Variants in PDE4D observed in about 807,000 individuals in gnomAD.
The protein encoded by PDE4D is 3',5'-cyclic-AMP phosphodiesterase 4D.
Under a neutral mutation model 87.4 loss-of-function variants are expected in PDE4D, and 24 were observed. The ratio of observed to expected loss-of-function variants is 0.27; its 90% CI spans 0.20 to 0.39. The LOEUF is 0.39. Among genes scored for constraint, PDE4D ranks in the 10% least tolerant of loss-of-function variants. The pLI, the probability that PDE4D is intolerant of heterozygous loss-of-function variation, is 1.00. For synonymous variants in PDE4D, 384 were observed against 383.2 expected, an observed-to-expected ratio of 1.00 and a Z score of -0.02; for missense variants, 714 against 1,041.0, an observed-to-expected ratio of 0.69 and a Z score of 4.32.
At chr5:59,876,143 T>C (rs1391685293) in intron 1 of PDE4D, among the ~76,000 whole-genome samples, 2 of 152,222 alleles carry the variant, frequency 1.3e-5, no homozygotes. Flanking sequence ...ATATATATTC[T>C]ATAACTTTTC....
chr5:59,186,652 TG>T (rs1211361768), intron 3 of PDE4D, among the ~76,000 whole-genome samples: 1 of 152,210 alleles, frequency 6.6e-6, no homozygotes, highest in East Asian at 1.9e-4. Context: ...CATTCATTTG[TG>T]TAAGTCAATG....
At chr5:59,375,249 GTTC>G (rs1406900090) in intron 1 of PDE4D, among the ~76,000 whole-genome samples, 4 of 152,010 alleles carry the variant, frequency 2.6e-5, no homozygotes, top group Non-Finnish European at 5.9e-5. Context: ...TCCAGGAGTT[GTTC>G]TTTTTTTGAA....
intron 2 of PDE4D, among the ~76,000 whole-genome samples, chr5:60,073,389 T>G (rs757947395): frequency 6.6e-6 from 1 of 152,118 alleles, no homozygotes; most frequent in Non-Finnish European, 1.5e-5. Context: ...AGTTTTTCGA[T>G]GTGCTCCTAG....
chr5:59,120,269 G>A (rs1015733154), intron 5 of PDE4D, among the ~76,000 whole-genome samples: 12 of 152,096 alleles, frequency 7.9e-5, no homozygotes, highest in Non-Finnish European at 1.8e-4. Context: ...ACAAGCTGAA[G>A]GTTACTTTAA....
intron 2 of PDE4D, among the ~76,000 whole-genome samples, chr5:59,194,079 G>A (rs770895539): frequency 2.0e-5 from 3 of 152,206 alleles, no homozygotes; most frequent in Non-Finnish European, 4.4e-5. Flanking sequence ...CCCAGCCACT[G>A]TAGTCACTGG....
intron 1 of PDE4D, among the ~76,000 whole-genome samples, chr5:59,606,883 G>A (rs1255244382): frequency 6.6e-6 from 1 of 151,446 alleles, no homozygotes; most frequent in East Asian, 1.9e-4. Context: ...TTATTTCATT[G>A]TTTATTTTCC....
chr5:60,440,077 C>G (rs896752345), intron 1 of PDE4D, among the ~76,000 whole-genome samples: 1 of 152,042 alleles, frequency 6.6e-6, no homozygotes, highest in Admixed American at 6.6e-5. Flanking sequence ...TCTAAATGTG[C>G]CAAGCTCTTT....
intron 1 of PDE4D, among the ~76,000 whole-genome samples, chr5:59,849,548 T>A (rs2152716324): frequency 1.3e-5 from 2 of 152,078 alleles, no homozygotes; most frequent in Non-Finnish European, 2.9e-5. Flanking sequence ...TTTATATGTT[T>A]TATTGACTTG....
At chr5:59,000,103 A>G (rs1210156569) in intron 6 of PDE4D, among the ~76,000 whole-genome samples, 1 of 152,212 alleles carries the variant, frequency 6.6e-6, no homozygotes, top group Non-Finnish European at 1.5e-5. Context: ...CTCACCCGAC[A>G]AACGCCATTG....
intron 1 of PDE4D, among the ~76,000 whole-genome samples, chr5:59,222,538 G>A (rs773758137): frequency 3.3e-5 from 5 of 152,100 alleles, no homozygotes; most frequent in East Asian, 1.9e-4. Context: ...CTCCATTACC[G>A]AAGCATCTAT....
At chr5:59,311,933 C>T (rs949944632) in intron 1 of PDE4D, among the ~76,000 whole-genome samples, 1 of 152,116 alleles carries the variant, frequency 6.6e-6, no homozygotes, top group Non-Finnish European at 1.5e-5. Context: ...GACTCCTCTG[C>T]TGATTCCTCT....
chr5:59,163,188 C>T (rs576324132), intron 5 of PDE4D, among the ~76,000 whole-genome samples: 27 of 151,658 alleles, frequency 1.8e-4, no homozygotes, highest in Non-Finnish European at 3.2e-4. Context: ...TCAATCGATC[C>T]GCCTGCCTCG....
chr5:59,159,392 C>G (rs1222724285), intron 5 of PDE4D, among the ~76,000 whole-genome samples: 1 of 152,144 alleles, frequency 6.6e-6, no homozygotes, highest in African/African-American at 2.4e-5. Context: ...CTCAGCCTCC[C>G]AAAGTGCTGC....
chr5:59,738,936 TA>T (rs547209030), intron 1 of PDE4D, among the ~76,000 whole-genome samples: 54 of 151,704 alleles, frequency 3.6e-4, no homozygotes, highest in African/African-American at 1.3e-3. Context: ...AAACAAAGTT[TA>T]AAAAAAACTA....
intron 1 of PDE4D, among the ~76,000 whole-genome samples, chr5:59,506,686 T>A (rs1809330002): frequency 6.6e-6 from 1 of 151,886 alleles, no homozygotes; most frequent in Admixed American, 6.6e-5. Context: ...GAAAAAAAAA[T>A]TAATGCACAG....
At chr5:59,740,148 CTATAAATCATTTAGTACCT>C (rs1405351124) in intron 1 of PDE4D, among the ~76,000 whole-genome samples, 1 of 152,144 alleles carries the variant, frequency 6.6e-6, no homozygotes, top group Admixed American at 6.5e-5. Context: ...ATAAATTCAT[CTATAAATCATTTAGTACCT>C]TAATGTCTGT....
chr5:60,064,081 A>G (rs999807134), intron 2 of PDE4D, among the ~76,000 whole-genome samples: 1 of 151,958 alleles, frequency 6.6e-6, no homozygotes, highest in African/African-American at 2.4e-5. Flanking sequence ...ATTTTAAGTA[A>G]TTTTTTCTCT....
intron 1 of PDE4D, among the ~76,000 whole-genome samples, chr5:60,477,891 A>G (rs1215690427): frequency 6.6e-6 from 1 of 152,208 alleles, no homozygotes; most frequent in Non-Finnish European, 1.5e-5. Context: ...CTCCTAATGC[A>G]TGAGTAAGGC....
intron 1 of PDE4D, among the ~76,000 whole-genome samples, chr5:60,412,923 G>A (rs1742162499): frequency 6.6e-6 from 1 of 152,120 alleles, no homozygotes; most frequent in Non-Finnish European, 1.5e-5. Context: ...GGCTAGGCTA[G>A]AGGTGGAGTC....
Sources: allele counts gnomAD v4.1 joint callset (sites outside exome capture counted in the v4.1 genomes callset), GRCh38; gene constraint gnomAD v4.1.1; transcripts MANE v1.5; gene names NCBI Gene and HGNC (gene_info 2026-07-23, HGNC 2026-07-21).